SLC47A1: variants seen among roughly 807,000 people sequenced by gnomAD.
SLC47A1 encodes solute carrier family 47 member 1, also known as multidrug and toxin extrusion protein 1.
SLC47A1 carries 58 observed loss-of-function variants against 65.8 expected under a neutral mutation model. The observed-to-expected ratio is 0.88, with a 90% CI of 0.71 to 1.10. The LOEUF (loss-of-function observed/expected upper bound fraction) is 1.10. Among genes scored for constraint, SLC47A1 ranks in the 50% least tolerant of loss-of-function variants. The pLI is 0.00. For missense variants in SLC47A1, 706 were observed against 719.2 expected (o/e 0.98, Z 0.21); for synonymous variants, 285 against 295.0 (o/e 0.97, Z 0.35).
intron 6 of SLC47A1, among the ~76,000 whole-genome samples, chr17:19,552,999 G>A (rs573615296): frequency 3.3e-5 from 5 of 152,276 alleles, no homozygotes; most frequent in African/African-American, 7.2e-5. Context: ...AAGAGTTTGC[G>A]TTGTGGGAGC....
At position 19,555,799 on chromosome 17, in the gene SLC47A1, G is replaced by T; in HGVS notation, c.743G>T (p.Trp248Leu). The T allele has an allele frequency of 6.2e-7, 1 of 1,613,486 alleles. No individual in the cohort carries two copies. Among genetic ancestry groups the T allele is most frequent in the Non-Finnish European group, 8.5e-7 (1 of 1,179,994 alleles). The change falls in exon 9 of 17, where the codon TGG becomes TTG. Residue 248 changes from tryptophan to leucine, a missense_variant. Transcript: ENST00000270570. ...KKLHQATWGG[W>L]SLECLQDWAS... ...AATGTGTGTGTCCCCCCCACAGGCT[G>T]GTCCCTCGAGTGCCTGCAGGACTGG...
At chr17:19,570,914 C>T (rs1394217979) in intron 14 of SLC47A1, 2 of 152,326 alleles carry the variant, frequency 1.3e-5, no homozygotes, top group Non-Finnish European at 1.5e-5. Flanking sequence ...TCCATTCCCA[C>T]CTGGCCTGCC....
At chr17:19,567,065 T>A in intron 13 of SLC47A1, 31 bp from the exon 14 acceptor site, 1 of 1,614,094 alleles carries the variant, frequency 6.2e-7, no homozygotes, top group African/African-American at 1.3e-5. Context: ...GCCGGATGTG[T>A]TCACAGTGAT....
rs1378684511 is a variant in SLC47A1 at position 19,578,057 on chromosome 17, A to T, written c.*504A>T. 1.0e-6 allele frequency: 1 copy of T among 992,940 alleles called. No homozygotes were observed. Among genetic ancestry groups the T allele is most frequent in the Admixed American group, 2.3e-5 (1 of 43,100 alleles). 61.5% of individuals were successfully genotyped at this position (992,940 alleles called of 1,614,324 possible). ...GAGTGCGGTGGTGCGATCATAGCTCACTGCAGCCTCGAACTCTTGGGCTTC... is the reference window on the plus strand; with the variant it reads ...GAGTGCGGTGGTGCGATCATAGCTCTCTGCAGCCTCGAACTCTTGGGCTTC... On this transcript the variant is annotated 3_prime_UTR_variant, in exon 17 of 17. Transcript: ENST00000270570.
At chr17:19,565,800 C>T (rs1415524638) in intron 12 of SLC47A1, among the ~76,000 whole-genome samples, 2 of 151,982 alleles carry the variant, frequency 1.3e-5, no homozygotes, top group Non-Finnish European at 2.9e-5. Context: ...CCAGGATGGT[C>T]TCGATCTCCT....
chr17:19,556,111 TG>T (rs1567969934), intron 10 of SLC47A1, 49 bp downstream of exon 10: 1 of 1,600,362 alleles, frequency 6.2e-7, no homozygotes, highest in East Asian at 2.2e-5. Flanking sequence ...TTTCCTTGCT[TG>T]GTATCTGAAA....
intron 14 of SLC47A1, among the ~76,000 whole-genome samples, chr17:19,569,408 A>G (rs1399447900): frequency 1.3e-5 from 2 of 151,856 alleles, no homozygotes; most frequent in Non-Finnish European, 2.9e-5. Context: ...AAAGTAGAAG[A>G]GGAAGTTGAG....
intron 1 of SLC47A1, among the ~76,000 whole-genome samples, chr17:19,538,137 C>T (rs560990879): frequency 6.6e-6 from 1 of 152,358 alleles, no homozygotes; most frequent in East Asian, 1.9e-4. Context: ...TCACGGATTG[C>T]GAGAGTCCTG....
At chr17:19,568,999 A>C (rs1035519168) in intron 14 of SLC47A1, among the ~76,000 whole-genome samples, 1 of 152,020 alleles carries the variant, frequency 6.6e-6, no homozygotes, top group Non-Finnish European at 1.5e-5. Context: ...ATCTGGGATT[A>C]CAGGCATGAG....
intron 5 of SLC47A1, among the ~76,000 whole-genome samples, chr17:19,550,648 T>G (rs1916422158): frequency 6.6e-6 from 1 of 152,200 alleles, no homozygotes; most frequent in Non-Finnish European, 1.5e-5. Context: ...AGCTGGAGGC[T>G]GTAGCTGAAT....
chr17:19,553,299 C>T (rs936589086), intron 6 of SLC47A1, among the ~76,000 whole-genome samples: 1 of 152,130 alleles, frequency 6.6e-6, no homozygotes, highest in Middle Eastern at 3.2e-3. Context: ...GAGACGCATG[C>T]GTGTTGCAGG....
At chr17:19,558,003 T>G (rs146927040) in intron 10 of SLC47A1, 43 of 216,750 alleles carry the variant, frequency 2.0e-4, no homozygotes, top group African/African-American at 9.7e-4. Flanking sequence ...AATTTACACT[T>G]GTATTTCTTA....
At chr17:19,563,128 CTTTT>C (rs572651224) in intron 12 of SLC47A1, among the ~76,000 whole-genome samples, 3,508 of 82,630 alleles carry the variant, frequency 0.042, 111 homozygotes, top group African/African-American at 0.15. Flanking sequence ...TAAGAGAAAG[CTTTT>C]TTTTTTTTTT....
At chr17:19,535,953 CTAT>C (rs1357000222) in intron 1 of SLC47A1, among the ~76,000 whole-genome samples, 4 of 152,022 alleles carry the variant, frequency 2.6e-5, no homozygotes, top group Admixed American at 2.0e-4. Flanking sequence ...CTTTCTAAGG[CTAT>C]TATTGTTTTA....
Position 19,533,875 on chromosome 17 carries a change from C to T in SLC47A1, c.-65C>T, listed in dbSNP as rs1193564695. The stretch of plus-strand genomic sequence containing the variant: ...ACCCACTGCCGGCCTGCGCGGTACT[C>T]ACTGCCGGCCTCCGCGGTACCCACT... On this transcript the variant is annotated 5_prime_UTR_variant, in exon 1 of 17. Coordinates refer to ENST00000270570, the MANE Select transcript of SLC47A1 (RefSeq NM_018242.3). 7.3e-7 allele frequency: 1 copy of T among 1,377,164 alleles called. No homozygotes were observed. Among genetic ancestry groups the T allele is most frequent in the Non-Finnish European group, 9.4e-7 (1 of 1,062,092 alleles). 85.3% of individuals were successfully genotyped at this position (1,377,164 alleles called of 1,614,324 possible).
At chr17:19,565,018 C>T (rs1211615595) in intron 12 of SLC47A1, among the ~76,000 whole-genome samples, 1 of 151,856 alleles carries the variant, frequency 6.6e-6, no homozygotes, top group Non-Finnish European at 1.5e-5. Context: ...CACTCCTGGG[C>T]CAGTGCTGGA....
intron 6 of SLC47A1, among the ~76,000 whole-genome samples, chr17:19,553,062 GC>G (rs1212819510): frequency 1.3e-5 from 2 of 152,034 alleles, no homozygotes; most frequent in African/African-American, 4.8e-5. Context: ...GGGTTGTTGG[GC>G]CCCCAGGGTG....
At chr17:19,553,519 C>T (rs1371086840) in intron 6 of SLC47A1, among the ~76,000 whole-genome samples, 1 of 150,472 alleles carries the variant, frequency 6.6e-6, no homozygotes, top group Non-Finnish European at 1.5e-5. Context: ...TCCTCCATGC[C>T]ACCACCTGAA....
At position 19,573,911 on chromosome 17, in the gene SLC47A1, T is replaced by C. The variant is rs7218496; in HGVS notation, c.1486+1050T>C. 8.8e-3 allele frequency among the ~76,000 whole-genome samples: 1,316 copies of C among 149,034 alleles called. 22 individuals are homozygous for C. The highest frequency in any genetic ancestry group is 0.031 in the African/African-American group (1,262 of 40,358). ...AGTGTGAGGCTTGGTTTACTTCTTC[T>C]GGTTCATGCTTTTTTTTTTTTTTTT... On this transcript the variant is annotated intron_variant, in intron 16 of 16. Coordinates refer to ENST00000270570, the MANE Select transcript of SLC47A1 (RefSeq NM_018242.3).
Sources: allele counts gnomAD v4.1 joint callset (sites outside exome capture counted in the v4.1 genomes callset), GRCh38; gene constraint gnomAD v4.1.1; transcripts MANE v1.5; gene names NCBI Gene and HGNC (gene_info 2026-07-23, HGNC 2026-07-21).